The following GSTA5 variants were observed in gnomAD, a reference collection of about 807,000 sequenced individuals.
The protein encoded by GSTA5 is glutathione S-transferase alpha 5.
GSTA5 carries 25 observed loss-of-function variants against 21.8 expected under a neutral mutation model. The ratio of observed to expected loss-of-function variants is 1.14; its 90% CI spans 0.83 to 1.60. The LOEUF (loss-of-function observed/expected upper bound fraction) is 1.60, where lower values mean the gene tolerates loss of function less well. GSTA5 is among the 40% of genes most tolerant of loss of function. The pLI, the probability that GSTA5 is intolerant of heterozygous loss-of-function variation, is 0.00. For synonymous variants in GSTA5, 102 were observed against 89.5 expected (o/e 1.14, Z -0.78); for missense variants, 330 against 259.2 (o/e 1.27, Z -1.88).
intron 1 of GSTA5, among the ~76,000 whole-genome samples, chr6:52,838,090 G>T (rs2127324597): frequency 6.6e-6 from 1 of 152,244 alleles, no homozygotes; most frequent in East Asian, 1.9e-4. Flanking sequence ...CCTGCTAAGG[G>T]TGAAATAAGT....
exon 6 of GSTA5, chr6:52,831,707 TATTTATTATTTA>T (rs1429672631): frequency 1.0e-6 from 1 of 984,258 alleles, no homozygotes; most frequent in Non-Finnish European, 1.5e-6. Context: ...AGATAAGAGT[TATTTATTATTTA>T]ATTAGCATGT....
chr6:52,845,661 A>G (rs1330615364), upstream of GSTA5, among the ~76,000 whole-genome samples: 4 of 152,226 alleles, frequency 2.6e-5, no homozygotes, highest in South Asian at 6.2e-4. Context: ...TTCACAGCCA[A>G]TATAGTATTA....
At chr6:52,837,447 C>T (rs1764308434) in intron 2 of GSTA5, 111 bp downstream of exon 2, 1 of 655,032 alleles carries the variant, frequency 1.5e-6, no homozygotes, top group Admixed American at 2.5e-5. Context: ...TCTCCCTCTC[C>T]ACCGTGACTA....
Position 52,832,865 on chromosome 6 carries a change from C to T in GSTA5, c.540G>A (p.Leu180=), listed in dbSNP as rs148426674. Residue 180 remains leucine (L), a synonymous_variant, in exon 5 of 6, where the codon CTG becomes CTA. Transcript: ENST00000370989. Reference sequence around the variant, plus strand: ...GGGCTGTGAAATGGGTCACCTTCAGCAGAGGGAAGCTGGAGATAAGACTCG... The same window carrying T: ...GGGCTGTGAAATGGGTCACCTTCAGTAGAGGGAAGCTGGAGATAAGACTCG... The T allele has an allele frequency of 4.3e-6, 7 of 1,613,748 alleles. No individual in the cohort carries two copies. In the African/African-American group the frequency reaches 8.0e-5, roughly 18 times the overall value.
chr6:52,842,720 C>T (rs1430189176), upstream of GSTA5, among the ~76,000 whole-genome samples: 1 of 152,136 alleles, frequency 6.6e-6, no homozygotes, highest in Non-Finnish European at 1.5e-5. Flanking sequence ...TAATGTACTT[C>T]TACAAAAGTA....
the GSTA5 span, chr6:52,846,220 A>G: frequency 6.0e-6 from 1 of 167,528 alleles, no homozygotes; most frequent in African/African-American, 2.4e-5. Context: ...GGGGCCACCT[A>G]CTGGATTCTA....
At chr6:52,832,009 G>C (rs775589066) in intron 5 of GSTA5, 39 bp from the exon 6 acceptor site, 4 of 1,583,822 alleles carry the variant, frequency 2.5e-6, no homozygotes, top group South Asian at 2.4e-5. Flanking sequence ...TGAAGCCAAG[G>C]CCGGCCACCA....
chr6:52,836,252 T>C (rs754006422), exon 3 of GSTA5: 3 of 1,613,622 alleles, frequency 1.9e-6, no homozygotes, highest in Non-Finnish European at 2.5e-6. Flanking sequence ...CTCTCCTTCA[T>C]GTCTTTCCCA....
At chr6:52,844,031 T>TC (rs11433489), upstream of GSTA5, among the ~76,000 whole-genome samples, 149,902 of 152,266 alleles carry the variant, frequency 0.98, 73,835 homozygotes, top group East Asian at 1. Flanking sequence ...TTGCCATGGG[T>TC]CACACACACA....
upstream of GSTA5, among the ~76,000 whole-genome samples, chr6:52,843,917 G>A (rs1355576968): frequency 6.6e-6 from 1 of 151,956 alleles, no homozygotes; most frequent in Non-Finnish European, 1.5e-5. Context: ...CTAACATATC[G>A]CCTCTCAATA....
chr6:52,844,497 T>C (rs1313093683), upstream of GSTA5, among the ~76,000 whole-genome samples: 1 of 152,182 alleles, frequency 6.6e-6, no homozygotes, highest in African/African-American at 2.4e-5. Context: ...AAAATGGGCT[T>C]AATTTGAAAG....
upstream of GSTA5, among the ~76,000 whole-genome samples, chr6:52,845,287 A>C (rs1764438703): frequency 6.6e-6 from 1 of 152,126 alleles, no homozygotes; most frequent in Non-Finnish European, 1.5e-5. Flanking sequence ...ATGGTTCTCA[A>C]CTGGGGAGAT....
At chr6:52,834,268 G>T (rs143276278) in exon 4 of GSTA5, 1 of 1,613,456 alleles carries the variant, frequency 6.2e-7, no homozygotes, top group South Asian at 1.1e-5. Flanking sequence ...TATACCTTCT[G>T]TGTACATATC....
intron 1 of GSTA5, among the ~76,000 whole-genome samples, chr6:52,838,494 G>T (rs1764323160): frequency 6.6e-6 from 1 of 152,176 alleles, no homozygotes; most frequent in African/African-American, 2.4e-5. Context: ...CTTAGTTCTT[G>T]ATCTACATCC....
At chr6:52,832,086 AC>A in intron 5 of GSTA5, 116 bp from the exon 6 acceptor site, 1 of 1,386,096 alleles carries the variant, frequency 7.2e-7, no homozygotes, top group Non-Finnish European at 9.7e-7. Context: ...CTCCATGAGT[AC>A]CAGCATGGAG....
At chr6:52,836,515 C>T (rs1208503216) in intron 2 of GSTA5, 147 bp from the exon 3 acceptor site, 2 of 822,906 alleles carry the variant, frequency 2.4e-6, no homozygotes, top group African/African-American at 1.7e-5. Flanking sequence ...AACTTTTTTC[C>T]TTGTTTTGTT....
rs758045959 is a variant in GSTA5, at chr6:52,837,542, T to TA, written c.139+15dup. ...ACTAGAAACTCTCATCAGAGTTACT[T>TA]AGAGATTGATCTTACCATTTCTTAA... On this transcript the variant is annotated intron_variant, in intron 2 of 5. Coordinates refer to ENST00000370989, the Ensembl canonical transcript of GSTA5. 2 of 1,559,986 alleles carry TA rather than the reference T, an allele frequency of 1.3e-6. No homozygotes were observed. The highest frequency in any genetic ancestry group is 3.3e-5 in the Admixed American group (2 of 59,764).
exon 6 of GSTA5, chr6:52,831,849 T>G (rs1160444849): frequency 6.2e-7 from 1 of 1,613,906 alleles, no homozygotes; most frequent in Non-Finnish European, 8.5e-7. Flanking sequence ...GCTGCTTTAT[T>G]AAAACCTGAA....
At chr6:52,842,878 T>C, upstream of GSTA5, among the ~76,000 whole-genome samples, 1 of 152,182 alleles carries the variant, frequency 6.6e-6, no homozygotes, top group East Asian at 1.9e-4. Context: ...ATTAGGTATT[T>C]CTCCTAATGC....
Sources: gnomAD v4.1 joint callset for allele counts (sites outside exome capture counted in the v4.1 genomes callset) on GRCh38, gnomAD v4.1.1 for gene constraint, MANE v1.5 for transcripts, NCBI Gene and HGNC (gene_info 2026-07-23, HGNC 2026-07-21) for gene names.